SNX24: variants seen among roughly 807,000 people sequenced by gnomAD.
SNX24 encodes sorting nexin-24.
In SNX24, 22 loss-of-function variants were observed where a neutral mutation model predicts 28.7. That is an observed-to-expected ratio of 0.77 (90% CI 0.55 to 1.10). The LOEUF is 1.10. SNX24 is among the 50% of genes least tolerant of loss of function. SNX24 has a pLI of 0.00. For synonymous variants in SNX24, 69 were observed against 71.5 expected, an observed-to-expected ratio of 0.96 and a Z score of 0.18; for missense variants, 221 against 201.1, an observed-to-expected ratio of 1.10 and a Z score of -0.60.
At chr5:122,971,805 G>A (rs1760969230) in intron 3 of SNX24, among the ~76,000 whole-genome samples, 1 of 152,158 alleles carries the variant, frequency 6.6e-6, no homozygotes, top group African/African-American at 2.4e-5. Context: ...AGCTGGTATT[G>A]ATGACTACCT....
chr5:122,982,924 CT>C (rs1052310744), intron 3 of SNX24: 4 of 151,750 alleles, frequency 2.6e-5, no homozygotes, highest in Non-Finnish European at 5.9e-5. Flanking sequence ...AATATTAACT[CT>C]TTTTTAAAAA....
intron 5 of SNX24, chr5:123,028,630 C>T (rs1762897291): frequency 1.6e-6 from 1 of 617,176 alleles, no homozygotes; most frequent in African/African-American, 1.9e-5. Context: ...AGATGAGTCC[C>T]CAAAACTCCA....
intron 1 of SNX24, among the ~76,000 whole-genome samples, chr5:122,876,786 C>T (rs1425427443): frequency 1.3e-5 from 2 of 152,114 alleles, no homozygotes; most frequent in East Asian, 3.9e-4. Context: ...AGACCTCCTG[C>T]AAGAGATGGT....
intron 3 of SNX24, chr5:122,982,962 G>A (rs1761453524): frequency 6.6e-6 from 1 of 151,960 alleles, no homozygotes; most frequent in African/African-American, 2.4e-5. Context: ...AATAGTATTA[G>A]TACTGGTAAT....
At chr5:122,864,065 T>G (rs1755608124) in intron 1 of SNX24, among the ~76,000 whole-genome samples, 2 of 152,244 alleles carry the variant, frequency 1.3e-5, no homozygotes, top group African/African-American at 4.8e-5. Context: ...CCTCCCTTTG[T>G]GGAACTTACC....
At chr5:122,934,095 A>G (rs1330407611) in intron 1 of SNX24, among the ~76,000 whole-genome samples, 2 of 152,096 alleles carry the variant, frequency 1.3e-5, no homozygotes, top group African/African-American at 4.8e-5. Flanking sequence ...AGAGCCTAGA[A>G]CAACCCCTGG....
At chr5:122,919,148 A>G (rs764075349) in intron 1 of SNX24, among the ~76,000 whole-genome samples, 10 of 152,252 alleles carry the variant, frequency 6.6e-5, no homozygotes, top group Admixed American at 1.3e-4. Flanking sequence ...TTAGAAAGCA[A>G]GACAATCCAT....
At chr5:122,864,858 C>T (rs962099813) in intron 1 of SNX24, among the ~76,000 whole-genome samples, 6 of 152,224 alleles carry the variant, frequency 3.9e-5, no homozygotes, top group African/African-American at 1.4e-4. Context: ...CCTACAAAGG[C>T]AGTATAGTCC....
chr5:123,001,867 C>T, intron 5 of SNX24, 73 bp from the exon 6 acceptor site: 1 of 1,308,816 alleles, frequency 7.6e-7, no homozygotes, highest in Non-Finnish European at 1.1e-6. Context: ...TTGATCCCCT[C>T]AAAGCTAGTT....
intron 1 of SNX24, among the ~76,000 whole-genome samples, chr5:122,914,232 C>G (rs1758059552): frequency 6.6e-6 from 1 of 152,212 alleles, no homozygotes; most frequent in Non-Finnish European, 1.5e-5. Flanking sequence ...AGCCTTGCAT[C>G]CCAGGGATGA....
rs1267096743 is a variant in SNX24 at position 122,999,999 on chromosome 5, A to G, written c.337A>G (p.Ser113Gly). ...RHLPSLPKAE[S>G]CGSFDETESE... ...CTTGCCCTCTCTACCAAAGGCAGAA[A>G]GTTGTGGGTAAGAATCATGTTTGCA... The change falls in exon 4 of 7, where the codon AGT becomes GGT. Residue 113 changes from serine (S) to glycine (G), a missense_variant. Coordinates refer to ENST00000261369, the MANE Select transcript of SNX24 (RefSeq NM_014035.4). 1.3e-6 allele frequency: 2 copies of G among 1,597,204 alleles called. No homozygotes were observed. The highest frequency in any genetic ancestry group is 1.7e-6 in the Non-Finnish European group (2 of 1,164,738).
intron 5 of SNX24, among the ~76,000 whole-genome samples, chr5:123,015,764 GA>G (rs971645232): frequency 1.8e-4 from 27 of 150,426 alleles, no homozygotes; most frequent in Non-Finnish European, 3.0e-4. Context: ...AATTAAAAAA[GA>G]AAAAAAAACA....
intron 1 of SNX24, among the ~76,000 whole-genome samples, chr5:122,935,071 G>A (rs1274875715): frequency 3.9e-5 from 6 of 152,032 alleles, no homozygotes; most frequent in African/African-American, 1.2e-4. Flanking sequence ...TATAGATTCT[G>A]TAGGTAATGT....
At chr5:122,899,643 A>C (rs945063738) in intron 1 of SNX24, among the ~76,000 whole-genome samples, 15 of 151,968 alleles carry the variant, frequency 9.9e-5, no homozygotes, top group Non-Finnish European at 8.8e-5. Context: ...TCCTGGGCTT[A>C]AGCAGTACGC....
intron 2 of SNX24, among the ~76,000 whole-genome samples, chr5:122,940,070 C>G (rs1759373151): frequency 6.6e-6 from 1 of 151,828 alleles, no homozygotes; most frequent in African/African-American, 2.4e-5. Flanking sequence ...CTCAGCTCAC[C>G]ACAACCTCCA....
intron 1 of SNX24, among the ~76,000 whole-genome samples, chr5:122,886,357 A>C (rs904802210): frequency 6.6e-6 from 1 of 152,130 alleles, no homozygotes; most frequent in Admixed American, 6.5e-5. Flanking sequence ...CTGTTTATCA[A>C]ACTTAATTCC....
At position 122,852,649 on chromosome 5, in the gene SNX24, AAT is replaced by A. The variant is rs367601481; in HGVS notation, c.60+6958_60+6959del. 1.2e-4 allele frequency among the ~76,000 whole-genome samples: 18 copies of A among 152,200 alleles called. 1 individual carries two copies. Among genetic ancestry groups the A allele is most frequent in the African/African-American group, 4.1e-4 (17 of 41,528 alleles). On this transcript the variant is annotated intron_variant, in intron 1 of 6. Coordinates refer to ENST00000261369, the MANE Select transcript of SNX24 (RefSeq NM_014035.4). The stretch of plus-strand genomic sequence containing the variant: ...TGAGCCACCATGCCCAGCCGCATTT[AAT>A]AGTAAGGACACTTTTCTCCCTAGAA...
At chr5:122,981,946 T>G (rs1206045783) in intron 3 of SNX24, among the ~76,000 whole-genome samples, 1 of 152,200 alleles carries the variant, frequency 6.6e-6, no homozygotes, top group Non-Finnish European at 1.5e-5. Context: ...TATCTTAAAA[T>G]GTGGATTTTG....
chr5:122,880,922 G>T (rs1756451536), intron 1 of SNX24, among the ~76,000 whole-genome samples: 1 of 152,202 alleles, frequency 6.6e-6, no homozygotes, highest in Non-Finnish European at 1.5e-5. Context: ...CACTGAGCAT[G>T]CCAGCCTCAC....
Sources: gnomAD v4.1 joint callset for allele counts (sites outside exome capture counted in the v4.1 genomes callset) on GRCh38, gnomAD v4.1.1 for gene constraint, MANE v1.5 for transcripts, NCBI Gene and HGNC (gene_info 2026-07-23, HGNC 2026-07-21) for gene names.